GPC6: variants seen among roughly 807,000 people sequenced by gnomAD.
GPC6 encodes glypican 6.
GPC6 carries 14 observed loss-of-function variants against 55.2 expected under a neutral mutation model. The ratio of observed to expected loss-of-function variants is 0.25; its 90% CI spans 0.17 to 0.40. The LOEUF is 0.40. Ranked by LOEUF, GPC6 falls within the 10% of genes least tolerant of loss-of-function variation. The probability of loss-of-function intolerance (pLI) is 1.00; values close to 1 mark genes in which losing one functional copy is unlikely to be tolerated. For synonymous variants in GPC6, 278 were observed against 259.6 expected (o/e 1.07, Z -0.68); for missense variants, 641 against 708.5 (o/e 0.90, Z 1.08).
At chr13:93,673,932 A>G (rs1881475367) in intron 2 of GPC6, among the ~76,000 whole-genome samples, 1 of 152,162 alleles carries the variant, frequency 6.6e-6, no homozygotes. Flanking sequence ...TTATGTAAGC[A>G]TTTATGTTAT....
At chr13:94,327,507 G>A (rs1166447928) in intron 6 of GPC6, among the ~76,000 whole-genome samples, 1 of 151,862 alleles carries the variant, frequency 6.6e-6, no homozygotes, top group Non-Finnish European at 1.5e-5. Flanking sequence ...TCATATCACG[G>A]TTCGTTTACT....
chr13:93,340,654 A>T (rs2139149937), intron 1 of GPC6, among the ~76,000 whole-genome samples: 1 of 152,070 alleles, frequency 6.6e-6, no homozygotes, highest in Middle Eastern at 3.5e-3. Context: ...TGCTCAAGGA[A>T]GATAGGGTCA....
chr13:93,864,358 T>C (rs1888900077), intron 3 of GPC6, among the ~76,000 whole-genome samples: 1 of 151,770 alleles, frequency 6.6e-6, no homozygotes, highest in Non-Finnish European at 1.5e-5. Flanking sequence ...ATGATTGTTC[T>C]ACACTATTAA....
At chr13:94,322,235 C>T (rs1437225098) in intron 6 of GPC6, among the ~76,000 whole-genome samples, 1 of 152,208 alleles carries the variant, frequency 6.6e-6, no homozygotes, top group Non-Finnish European at 1.5e-5. Flanking sequence ...TCTTGTCTGC[C>T]ACCATGTAAG....
In GPC6 at chr13:94,271,254, A is replaced by G. The variant is rs189373440; in HGVS notation, c.878-15095A>G. 4.9e-4 allele frequency among the ~76,000 whole-genome samples: 75 copies of G among 151,830 alleles called. 2 individuals are homozygous for G. In the East Asian group the frequency reaches 8.6e-3, roughly 17 times the overall value. ...GATCCACCCGTCTCGACCTCCCAAA[A>G]TGCTGGGATTACAGGCATGAGCCAC... On this transcript the variant is annotated intron_variant, in intron 4 of 8. Transcript: ENST00000377047.
At position 94,007,293 on chromosome 13, in the gene GPC6, T is replaced by G. The variant is rs561110409; in HGVS notation, c.712-20436T>G. ...ATTCAACACATATTTATTTATCCCT[T>G]ACTGTGGTTAGGCACTGTTTGAAAG... On this transcript the variant is annotated intron_variant, in intron 3 of 8. Transcript: ENST00000377047. Among the ~76,000 whole-genome samples, 7 of 152,324 alleles carry G rather than the reference T, an allele frequency of 4.6e-5. No homozygotes were observed. In the South Asian group the frequency reaches 1.0e-3, roughly 23 times the overall value.
chr13:94,296,587 G>T (rs1312259996), intron 5 of GPC6, among the ~76,000 whole-genome samples: 1 of 152,138 alleles, frequency 6.6e-6, no homozygotes, highest in African/African-American at 2.4e-5. Flanking sequence ...CCAGCTCTCA[G>T]CACTTCCCTT....
intron 3 of GPC6, among the ~76,000 whole-genome samples, chr13:93,856,065 T>A (rs1888599444): frequency 6.6e-6 from 1 of 151,614 alleles, no homozygotes; most frequent in South Asian, 2.1e-4. Flanking sequence ...CTTTCATGGA[T>A]CATGCCTTTT....
intron 1 of GPC6, among the ~76,000 whole-genome samples, chr13:93,318,761 C>T (rs865831929): frequency 2.2e-4 from 33 of 151,988 alleles, no homozygotes; most frequent in African/African-American, 6.5e-4. Flanking sequence ...TGAGGAAGTG[C>T]GGAAGCCAGT....
chr13:93,238,392 A>G (rs755141103), intron 1 of GPC6, among the ~76,000 whole-genome samples: 8 of 152,096 alleles, frequency 5.3e-5, no homozygotes, highest in Non-Finnish European at 1.2e-4. Context: ...CATTATTGGT[A>G]TATAGCAGTG....
At chr13:94,016,120 A>G (rs761416278) in intron 3 of GPC6, among the ~76,000 whole-genome samples, 11 of 152,180 alleles carry the variant, frequency 7.2e-5, no homozygotes, top group Admixed American at 6.5e-5. Context: ...TACTTCATAT[A>G]AGTAGAATCA....
chr13:94,085,551 G>A (rs1885253103), intron 4 of GPC6, among the ~76,000 whole-genome samples: 2 of 152,062 alleles, frequency 1.3e-5, no homozygotes, highest in African/African-American at 4.8e-5. Flanking sequence ...GATATAATAA[G>A]AGTCTATGTA....
At position 94,403,633 on chromosome 13, in the gene GPC6, C is replaced by A; in HGVS notation, c.*416C>A. On this transcript the variant is annotated 3_prime_UTR_variant, in exon 9 of 9. Coordinates refer to ENST00000377047, the MANE Select transcript of GPC6 (RefSeq NM_005708.5). ...AACCCCAAGACAGCTACATTTTCAA[C>A]AAAAAAGCAAACAGAGAAAAATAAA... 1 of 225,876 alleles carries A rather than the reference C, an allele frequency of 4.4e-6. No individual in the cohort carries two copies. Among genetic ancestry groups the A allele is most frequent in the Non-Finnish European group, 8.9e-6 (1 of 112,132 alleles). 14.0% of individuals were successfully genotyped at this position (225,876 alleles called of 1,614,324 possible).
intron 1 of GPC6, among the ~76,000 whole-genome samples, chr13:93,270,107 A>G (rs1233196041): frequency 6.6e-6 from 1 of 151,646 alleles, no homozygotes; most frequent in Non-Finnish European, 1.5e-5. Flanking sequence ...AAAATTAGCC[A>G]GGCATGGTGG....
rs527488980 is a variant in GPC6, at chr13:94,308,825, G to A, written c.1152+2702G>A. Among the ~76,000 whole-genome samples the A allele has an allele frequency of 6.2e-4, 95 of 152,294 alleles. 1 individual carries two copies. The highest frequency in any genetic ancestry group is 2.2e-3 in the African/African-American group (90 of 41,560). ...TACCGAGGTTATTCCTGAGAGACAC[G>A]AGTTAGGTCCAAAGCTAATAACAGA... is the stretch of plus-strand genomic sequence containing the variant. On this transcript the variant is annotated intron_variant, in intron 6 of 8. Coordinates refer to ENST00000377047, the MANE Select transcript of GPC6 (RefSeq NM_005708.5).
chr13:94,126,954 C>G (rs913820037), intron 4 of GPC6, among the ~76,000 whole-genome samples: 5 of 152,068 alleles, frequency 3.3e-5, no homozygotes, highest in African/African-American at 1.2e-4. Context: ...AAGTGAAAAT[C>G]TCTAATATTT....
At chr13:93,744,573 C>T (rs988950504) in intron 2 of GPC6, among the ~76,000 whole-genome samples, 8 of 126,766 alleles carry the variant, frequency 6.3e-5, no homozygotes, top group Non-Finnish European at 9.5e-5. Context: ...TCAATTCCTC[C>T]ACTTTTATAA....
chr13:94,130,293 TTAGC>T (rs1194049006), intron 4 of GPC6, among the ~76,000 whole-genome samples: 1 of 152,162 alleles, frequency 6.6e-6, no homozygotes, highest in African/African-American at 2.4e-5. Context: ...TTATTTTATC[TTAGC>T]TTCCTAAGTC....
At chr13:93,275,944 GGCT>G (rs1877718950) in intron 1 of GPC6, among the ~76,000 whole-genome samples, 1 of 152,066 alleles carries the variant, frequency 6.6e-6, no homozygotes, top group African/African-American at 2.4e-5. Flanking sequence ...GCGCGATCTC[GGCT>G]CATGGCAAGC....
Sources: allele counts gnomAD v4.1 joint callset (sites outside exome capture counted in the v4.1 genomes callset), GRCh38; gene constraint gnomAD v4.1.1; transcripts MANE v1.5; gene names NCBI Gene and HGNC (gene_info 2026-07-23, HGNC 2026-07-21).